The following CFAP52 variants were observed in gnomAD, a reference collection of about 807,000 sequenced individuals.
CFAP52 encodes cilia- and flagella-associated protein 52.
Under a neutral mutation model 70.5 loss-of-function variants are expected in CFAP52, and 57 were observed. The observed-to-expected ratio is 0.81, with a 90% confidence interval of 0.65 to 1.01. The LOEUF (loss-of-function observed/expected upper bound fraction) is 1.01, where lower values mean the gene tolerates loss of function less well. Among genes scored for constraint, CFAP52 ranks in the 50% least tolerant of loss-of-function variants. The pLI is 0.00. For missense variants in CFAP52, 785 were observed against 788.5 expected, an observed-to-expected ratio of 1.00 and a Z score of 0.05; for synonymous variants, 267 against 292.5, an observed-to-expected ratio of 0.91 and a Z score of 0.89.
chr17:9,577,446 G>A (rs1908013481), intron 1 of CFAP52, among the ~76,000 whole-genome samples: 1 of 152,208 alleles, frequency 6.6e-6, no homozygotes, highest in Admixed American at 6.5e-5. Flanking sequence ...AGAAAAAGCT[G>A]TGGGGTTTTA....
chr17:9,593,760 T>C lies in CFAP52; in HGVS notation c.408-433T>C, dbSNP rs191961060. ...TGTGAGCCATCGCTCCCAGCCAACA[T>C]TCGAAACCATCCTGGCCAACACGGT... On this transcript the variant is annotated intron_variant, in intron 3 of 13. Transcript: ENST00000352665. Among the ~76,000 whole-genome samples, 385 of 152,058 alleles carry C rather than the reference T, an allele frequency of 2.5e-3. 2 individuals are homozygous for C. The highest frequency in any genetic ancestry group is 3.2e-3 in the Non-Finnish European group (220 of 67,982).
At chr17:9,643,448 T>A (rs1009372695), downstream of CFAP52, 1 of 344,466 alleles carries the variant, frequency 2.9e-6, no homozygotes, top group Non-Finnish European at 5.1e-6. Context: ...AGTTGTTGGT[T>A]TTCTGTTATA....
In CFAP52 at chr17:9,612,466, A is replaced by C; in HGVS notation, c.1012A>C (p.Ile338Leu). 6.2e-7 allele frequency: 1 copy of C among 1,613,852 alleles called. No homozygotes were observed. The highest frequency in any genetic ancestry group is 8.5e-7 in the Non-Finnish European group (1 of 1,179,908). Reference sequence around the variant, plus strand: ...TTGTCACTTTGATGCTGTCGAGGATATTGTCTTTCCATTGTGAGTAGAAGA... The same window carrying C: ...TTGTCACTTTGATGCTGTCGAGGATCTTGTCTTTCCATTGTGAGTAGAAGA... Reference protein sequence around the residue: ...ATCHFDAVEDIVFPFGTAELF... With the variant: ...ATCHFDAVEDLVFPFGTAELF... The change falls in exon 8 of 14, where the codon ATT (isoleucine) becomes CTT (leucine). Residue 338 changes from isoleucine (I) to leucine (L), a missense_variant. By Grantham distance (5) the Ile-to-Leu change is conservative. Coordinates refer to ENST00000352665, the MANE Select transcript of CFAP52 (RefSeq NM_145054.5).
At chr17:9,604,594 C>G (rs1909405092) in intron 6 of CFAP52, among the ~76,000 whole-genome samples, 1 of 151,720 alleles carries the variant, frequency 6.6e-6, no homozygotes, top group Non-Finnish European at 1.5e-5. Context: ...ATGGTGAAAC[C>G]CCGTCTCTAC....
intron 6 of CFAP52, 59 bp downstream of exon 6, chr17:9,600,242 CTT>C: frequency 6.9e-6 from 9 of 1,311,462 alleles, no homozygotes; most frequent in East Asian, 2.5e-5. Context: ...GCAGCATGTA[CTT>C]TTTTTTTTCC....
intron 8 of CFAP52, among the ~76,000 whole-genome samples, chr17:9,614,157 C>CTTTTTTTTTTT (rs11347755): frequency 1.1e-5 from 1 of 93,984 alleles, no homozygotes; most frequent in Non-Finnish European, 2.2e-5. Flanking sequence ...TTCTTTCTTT[C>CTTTTTTTTTTT]TTTTTTTTTT....
At chr17:9,625,203 TA>T (rs142148256) in intron 8 of CFAP52, among the ~76,000 whole-genome samples, 6,068 of 149,108 alleles carry the variant, frequency 0.041, 120 homozygotes, top group African/African-American at 0.052. Context: ...AAAAATCAAT[TA>T]AAAAAAAAAC....
At position 9,591,096 on chromosome 17, in the gene CFAP52, G is replaced by A. The variant is rs1002432990; in HGVS notation, c.408-3097G>A. On this transcript the variant is annotated intron_variant, in intron 3 of 13. Transcript: ENST00000352665. ...CTTGTTTCCCAGGCTGGAGTGCAACGGCATGATCTCAGCTCACCACAACCT... is the reference window on the plus strand; with the variant it reads ...CTTGTTTCCCAGGCTGGAGTGCAACAGCATGATCTCAGCTCACCACAACCT... 5.6e-5 allele frequency among the ~76,000 whole-genome samples: 7 copies of A among 124,314 alleles called. No homozygotes were observed. In the South Asian group the frequency reaches 8.1e-4, roughly 14 times the overall value. The allele number at this position is 124,314 out of a possible 152,430, so 81.6% of individuals were successfully genotyped here.
At chr17:9,632,766 G>A in intron 9 of CFAP52, 122 bp from the exon 10 acceptor site, 4 of 1,392,494 alleles carry the variant, frequency 2.9e-6, no homozygotes, top group Non-Finnish European at 2.9e-6. Context: ...CAGCTGAGCT[G>A]GTCTCTTTCC....
At position 9,588,972 on chromosome 17, in the gene CFAP52, G is replaced by A. The variant is rs116710896; in HGVS notation, c.407+2138G>A. 3.3e-3 allele frequency among the ~76,000 whole-genome samples: 509 copies of A among 152,088 alleles called. 2 individuals carry two copies. The highest frequency in any genetic ancestry group is 0.011 in the African/African-American group (471 of 41,494). ...ACAAAAATTAGCCAGGCATAGTGCC[G>A]GGGCCTGTAATCCCAGCTACTTGGG... On this transcript the variant is annotated intron_variant, in intron 3 of 13. Coordinates refer to ENST00000352665, the MANE Select transcript of CFAP52 (RefSeq NM_145054.5).
intron 7 of CFAP52, among the ~76,000 whole-genome samples, chr17:9,610,968 C>T (rs1006517208): frequency 6.6e-6 from 1 of 152,218 alleles, no homozygotes; most frequent in Admixed American, 6.5e-5. Context: ...CACTGCAACA[C>T]TTGTAAAGGA....
chr17:9,631,063 A>G lies in CFAP52; in HGVS notation c.1175-1825A>G, dbSNP rs1376129430. On this transcript the variant is annotated intron_variant, in intron 9 of 13. Coordinates refer to ENST00000352665, the MANE Select transcript of CFAP52 (RefSeq NM_145054.5). ...GAGAGAGAGAGAGAGAGAAAGAAAG[A>G]AAGAAAGAAAGAAAGAAAGAGAAAG... Among the ~76,000 whole-genome samples the G allele has an allele frequency of 1.1e-4, 13 of 123,384 alleles. 1 individual carries two copies. The highest frequency in any genetic ancestry group is 4.4e-4 in the African/African-American group (13 of 29,262). 80.9% of individuals were successfully genotyped at this position (123,384 alleles called of 152,430 possible). A position where few individuals can be genotyped will look rare whatever the true frequency, so the allele number is the denominator to read the frequency against.
chr17:9,577,653 C>G (rs1335135262), intron 1 of CFAP52, among the ~76,000 whole-genome samples: 2 of 152,184 alleles, frequency 1.3e-5, no homozygotes, highest in Non-Finnish European at 2.9e-5. Context: ...CTTTAACAGT[C>G]TCCAATAGAA....
chr17:9,611,206 A>C (rs559614045), intron 7 of CFAP52, among the ~76,000 whole-genome samples: 1 of 152,176 alleles, frequency 6.6e-6, no homozygotes, highest in East Asian at 1.9e-4. Context: ...AACTAGTTAC[A>C]GAGAGAGTCT....
At chr17:9,613,576 G>T (rs1909791166) in intron 8 of CFAP52, among the ~76,000 whole-genome samples, 1 of 152,018 alleles carries the variant, frequency 6.6e-6, no homozygotes, top group Non-Finnish European at 1.5e-5. Flanking sequence ...GGAGTGCAGT[G>T]GTGGGATTTC....
chr17:9,621,674 AT>A (rs1318742318), intron 8 of CFAP52, among the ~76,000 whole-genome samples: 2 of 57,522 alleles, frequency 3.5e-5, no homozygotes, highest in African/African-American at 1.5e-4. Flanking sequence ...CTATGCAGCC[AT>A]AAAAAATGAT....
chr17:9,590,055 A>C (rs1312356419), intron 3 of CFAP52: 1 of 177,814 alleles, frequency 5.6e-6, no homozygotes, highest in Non-Finnish European at 1.2e-5. Flanking sequence ...GTCTGCCGTC[A>C]GCTCATGGAT....
At chr17:9,585,649 G>T (rs1908430228) in intron 1 of CFAP52, 124 bp from the exon 2 acceptor site, 8 of 992,570 alleles carry the variant, frequency 8.1e-6, no homozygotes, top group Admixed American at 1.9e-5. Context: ...CCCAGGCTGG[G>T]TGACAAGTGC....
intron 3 of CFAP52, among the ~76,000 whole-genome samples, chr17:9,592,388 G>T (rs1908804385): frequency 6.6e-6 from 1 of 152,108 alleles, no homozygotes; most frequent in African/African-American, 2.4e-5. Flanking sequence ...AGAATCGCTT[G>T]AACCCAGGAG....
Sources: gnomAD v4.1 joint callset for allele counts (sites outside exome capture counted in the v4.1 genomes callset) on GRCh38, gnomAD v4.1.1 for gene constraint, MANE v1.5 for transcripts, NCBI Gene and HGNC (gene_info 2026-07-23, HGNC 2026-07-21) for gene names.